PCDHA9: variants seen among roughly 807,000 people sequenced by gnomAD.
PCDHA9 encodes the protein protocadherin alpha 9.
Under a neutral mutation model 62.0 loss-of-function variants are expected in PCDHA9, and 62 were observed. The ratio of observed to expected loss-of-function variants is 1.00; its 90% CI spans 0.81 to 1.23. PCDHA9 has a LOEUF of 1.23. PCDHA9 is among the 50% of genes most tolerant of loss of function. PCDHA9 has a pLI of 0.00. For missense variants in PCDHA9, 1,205 were observed against 1,249.8 expected, an observed-to-expected ratio of 0.96 and a Z score of 0.54; for synonymous variants, 557 against 567.6, an observed-to-expected ratio of 0.98 and a Z score of 0.27.
intron 1 of PCDHA9, chr5:140,851,516 T>A: frequency 1.1e-6 from 1 of 906,322 alleles, no homozygotes; most frequent in African/African-American, 1.8e-5. Context: ...AAATATGTTT[T>A]AAAATGCCTG....
At chr5:140,921,301 C>T (rs1227923324) in intron 1 of PCDHA9, among the ~76,000 whole-genome samples, 1 of 151,954 alleles carries the variant, frequency 6.6e-6, no homozygotes. Flanking sequence ...TTGCTGAATG[C>T]CATTGTATTA....
In PCDHA9 at chr5:141,003,240, CAA is replaced by C. The variant is rs1287973511; in HGVS notation, c.2543-6383_2543-6382del. ...GAAAGAGGAAAGCTGGAAATTTTGC[CAA>C]AAAGATTCCTGGGCAGTGCCTAAGG... On this transcript the variant is annotated intron_variant, in intron 3 of 3. Transcript: ENST00000532602. Among the ~76,000 whole-genome samples the C allele has an allele frequency of 2.6e-5, 4 of 152,150 alleles. No individual in the cohort carries two copies. In the East Asian group the frequency reaches 7.7e-4, roughly 29 times the overall value.
At chr5:140,966,603 G>A (rs567686852) in intron 1 of PCDHA9, 9 of 656,454 alleles carry the variant, frequency 1.4e-5, no homozygotes, top group African/African-American at 1.3e-4. Flanking sequence ...AGGAGCCCTT[G>A]GGAGGGCCTA....
intron 1 of PCDHA9, chr5:140,927,305 C>A: frequency 6.2e-7 from 1 of 1,614,190 alleles, no homozygotes; most frequent in African/African-American, 1.3e-5. Flanking sequence ...GAGTTCCTGA[C>A]GCCCGGAGCC....
intron 1 of PCDHA9, among the ~76,000 whole-genome samples, chr5:140,960,552 A>T (rs1269039449): frequency 6.6e-6 from 1 of 152,162 alleles, no homozygotes; most frequent in Non-Finnish European, 1.5e-5. Flanking sequence ...CTTCATATAG[A>T]CTGAGCTTAG....
chr5:140,852,129 C>T (rs2042245206), intron 1 of PCDHA9: 2 of 891,056 alleles, frequency 2.2e-6, no homozygotes, highest in South Asian at 5.1e-5. Context: ...ATTAAAAACT[C>T]AGTAGAGAAA....
At chr5:140,950,343 A>C (rs1169343189) in intron 1 of PCDHA9, among the ~76,000 whole-genome samples, 9 of 151,988 alleles carry the variant, frequency 5.9e-5, no homozygotes, top group African/African-American at 2.2e-4. Context: ...GATTTATCTT[A>C]GTTTTCCTTT....
In PCDHA9 at chr5:140,894,570, T is replaced by G. The variant is rs558111947; in HGVS notation, c.2394+43681T>G. ...TTTACTTCTGAAAAAATTATTTTCC[T>G]TTTTTTTAATATTTTACTGAGTTTT... On this transcript the variant is annotated intron_variant, in intron 1 of 3. Coordinates refer to ENST00000532602, the MANE Select transcript of PCDHA9 (RefSeq NM_031857.2). Among the ~76,000 whole-genome samples the G allele has an allele frequency of 1.5e-4, 23 of 151,856 alleles. No individual in the cohort carries two copies. The South Asian group carries it at 4.4e-3, about 29-fold the overall frequency.
intron 1 of PCDHA9, among the ~76,000 whole-genome samples, chr5:140,910,407 C>T (rs781871391): frequency 6.6e-6 from 1 of 152,134 alleles, no homozygotes; most frequent in Non-Finnish European, 1.5e-5. Context: ...CCTGCCACCT[C>T]GAGATCCAAT....
chr5:140,891,592 T>G (rs1162338197), intron 1 of PCDHA9, among the ~76,000 whole-genome samples: 1 of 152,216 alleles, frequency 6.6e-6, no homozygotes, highest in East Asian at 1.9e-4. Context: ...TATTACTCTA[T>G]CCCATCTATT....
At chr5:140,863,975 T>G (rs1429361559) in intron 1 of PCDHA9, 2 of 153,508 alleles carry the variant, frequency 1.3e-5, no homozygotes, top group Non-Finnish European at 2.9e-5. Context: ...CACTACAGCC[T>G]GGGAGACAGG....
intron 1 of PCDHA9, chr5:140,851,710 G>T: frequency 2.1e-6 from 2 of 958,600 alleles, no homozygotes; most frequent in Middle Eastern, 5.5e-4. Flanking sequence ...GCCATGTGAA[G>T]ATTCGAAACT....
At chr5:140,871,976 C>A (rs2053421346) in intron 1 of PCDHA9, among the ~76,000 whole-genome samples, 1 of 152,206 alleles carries the variant, frequency 6.6e-6, no homozygotes, top group Non-Finnish European at 1.5e-5. Context: ...CCTATGATGT[C>A]CAGGTTGGAC....
intron 1 of PCDHA9, among the ~76,000 whole-genome samples, chr5:140,925,576 A>G (rs1157907719): frequency 2.0e-5 from 3 of 151,872 alleles, no homozygotes; most frequent in African/African-American, 7.3e-5. Flanking sequence ...CAGCACACCA[A>G]CATGGCGCAT....
intron 2 of PCDHA9, among the ~76,000 whole-genome samples, chr5:140,979,275 C>T (rs141662665): frequency 6.6e-6 from 1 of 152,320 alleles, no homozygotes; most frequent in East Asian, 1.9e-4. Flanking sequence ...AAAATTTCTA[C>T]AGGGAAGTAA....
rs2150454251 is a variant in PCDHA9 at position 140,849,857 on chromosome 5, G to T, written c.1362G>T (p.Ala454=). ...EVADVNDNAP[A]FAQSEYTVFV... Reference sequence around the variant, plus strand: ...CCGACGTGAACGACAACGCACCAGCGTTCGCGCAGTCCGAGTACACGGTGT... The same window carrying T: ...CCGACGTGAACGACAACGCACCAGCTTTCGCGCAGTCCGAGTACACGGTGT... The change falls in exon 1 of 4, where the codon GCG becomes GCT. Residue 454 remains alanine, a synonymous_variant. Transcript: ENST00000532602. The T allele has an allele frequency of 1.9e-6, 3 of 1,598,510 alleles. No individual in the cohort carries two copies. Among genetic ancestry groups the T allele is most frequent in the African/African-American group, 2.7e-5 (2 of 74,436 alleles).
chr5:140,976,819 T>C (rs1380206599), intron 1 of PCDHA9, among the ~76,000 whole-genome samples: 3 of 152,222 alleles, frequency 2.0e-5, no homozygotes, highest in Admixed American at 2.0e-4. Flanking sequence ...TATGCATGTG[T>C]CTAATGAGCA....
chr5:141,001,370 T>G (rs1187805238), intron 3 of PCDHA9, among the ~76,000 whole-genome samples: 1 of 152,218 alleles, frequency 6.6e-6, no homozygotes, highest in African/African-American at 2.4e-5. Context: ...ACTATTCTGA[T>G]TACAGAGCCT....
At chr5:140,997,668 T>TTA (rs2097778675) in intron 3 of PCDHA9, among the ~76,000 whole-genome samples, 1 of 148,244 alleles carries the variant, frequency 6.7e-6, no homozygotes, top group African/African-American at 2.5e-5. Flanking sequence ...ATTATACAGC[T>TTA]TGTGTGTGTG....
Sources: allele counts gnomAD v4.1 joint callset (sites outside exome capture counted in the v4.1 genomes callset), GRCh38; gene constraint gnomAD v4.1.1; transcripts MANE v1.5; gene names NCBI Gene and HGNC (gene_info 2026-07-23, HGNC 2026-07-21).